MACROD2: variants seen among roughly 807,000 people sequenced by gnomAD.
MACROD2 encodes the protein mono-ADP ribosylhydrolase 2.
Under a neutral mutation model 70.4 loss-of-function variants are expected in MACROD2, and 36 were observed. The ratio of observed to expected loss-of-function variants is 0.51; its 90% confidence interval spans 0.39 to 0.68. The LOEUF (loss-of-function observed/expected upper bound fraction) is 0.68. Among genes scored for constraint, MACROD2 ranks in the 30% least tolerant of loss-of-function variants. The pLI, the probability that MACROD2 is intolerant of heterozygous loss-of-function variation, is 0.00. For synonymous variants in MACROD2, 172 were observed against 178.8 expected (o/e 0.96, Z 0.30); for missense variants, 496 against 538.4 (o/e 0.92, Z 0.78).
intron 5 of MACROD2, among the ~76,000 whole-genome samples, chr20:15,142,475 A>G (rs1221347556): frequency 6.6e-6 from 1 of 152,058 alleles, no homozygotes; most frequent in Admixed American, 6.5e-5. Context: ...TATGGTTTTC[A>G]TAGGCATTTT....
At chr20:14,101,931 A>C (rs1462419029) in intron 3 of MACROD2, among the ~76,000 whole-genome samples, 1 of 149,956 alleles carries the variant, frequency 6.7e-6, no homozygotes, top group African/African-American at 2.5e-5. Flanking sequence ...TGAGCACTTA[A>C]GTTCATACTT....
chr20:15,836,183 C>T (rs1351062465), intron 8 of MACROD2, among the ~76,000 whole-genome samples: 1 of 152,150 alleles, frequency 6.6e-6, no homozygotes, highest in Non-Finnish European at 1.5e-5. Flanking sequence ...GACGTTTTAC[C>T]TTTTGATAGT....
At chr20:14,427,570 A>C (rs1039289514) in intron 3 of MACROD2, among the ~76,000 whole-genome samples, 1 of 152,018 alleles carries the variant, frequency 6.6e-6, no homozygotes, top group Non-Finnish European at 1.5e-5. Flanking sequence ...ATATATGTGC[A>C]TGTATCTGTA....
chr20:15,274,650 G>A (rs796160677), intron 6 of MACROD2, among the ~76,000 whole-genome samples: 1 of 152,294 alleles, frequency 6.6e-6, no homozygotes, highest in African/African-American at 2.4e-5. Flanking sequence ...TCATTCAGTA[G>A]GTATTCAACG....
intron 5 of MACROD2, among the ~76,000 whole-genome samples, chr20:14,812,801 T>C (rs2072730853): frequency 1.3e-5 from 2 of 151,960 alleles, no homozygotes; most frequent in Admixed American, 1.3e-4. Flanking sequence ...TGGGTGTAAT[T>C]CACTTCATTT....
chr20:14,191,345 T>C (rs971056817), intron 3 of MACROD2, among the ~76,000 whole-genome samples: 11 of 152,156 alleles, frequency 7.2e-5, no homozygotes, highest in Non-Finnish European at 1.5e-4. Context: ...AGCTCTCTGA[T>C]CCTGAGAAAA....
chr20:14,225,632 T>C (rs934988904), intron 3 of MACROD2, among the ~76,000 whole-genome samples: 3 of 152,230 alleles, frequency 2.0e-5, no homozygotes, highest in African/African-American at 7.2e-5. Flanking sequence ...GTCGCAAGTG[T>C]AGTTTGCTAA....
At chr20:15,413,565 T>C (rs2046107412) in intron 6 of MACROD2, among the ~76,000 whole-genome samples, 1 of 152,014 alleles carries the variant, frequency 6.6e-6, no homozygotes, top group South Asian at 2.1e-4. Context: ...GGGAGAAAAG[T>C]TATATGTGAT....
intron 6 of MACROD2, among the ~76,000 whole-genome samples, chr20:15,285,279 G>A (rs2077480618): frequency 6.6e-6 from 1 of 152,188 alleles, no homozygotes; most frequent in African/African-American, 2.4e-5. Context: ...AGAAATGTAA[G>A]TGAAGTTTGT....
At chr20:15,421,215 A>G (rs1473479981) in intron 6 of MACROD2, among the ~76,000 whole-genome samples, 2 of 152,082 alleles carry the variant, frequency 1.3e-5, no homozygotes, top group Non-Finnish European at 2.9e-5. Flanking sequence ...TTGTTTCTAC[A>G]AAACATGCAA....
intron 6 of MACROD2, among the ~76,000 whole-genome samples, chr20:15,427,119 T>C (rs1010622364): frequency 1.3e-5 from 2 of 152,330 alleles, no homozygotes; most frequent in Admixed American, 6.5e-5. Flanking sequence ...TGAATTTTTT[T>C]CCACAATACT....
At chr20:15,301,215 G>C (rs899294561) in intron 6 of MACROD2, among the ~76,000 whole-genome samples, 2 of 152,220 alleles carry the variant, frequency 1.3e-5, no homozygotes, top group Non-Finnish European at 2.9e-5. Flanking sequence ...AGGGGGCACA[G>C]TGGAAATGTA....
chr20:14,134,402 C>A (rs1285933821), intron 3 of MACROD2, among the ~76,000 whole-genome samples: 1 of 152,360 alleles, frequency 6.6e-6, no homozygotes, highest in East Asian at 1.9e-4. Flanking sequence ...CTTATTATTT[C>A]ACTGAGAGAT....
intron 5 of MACROD2, among the ~76,000 whole-genome samples, chr20:15,136,899 A>T (rs6074847): frequency 7.2e-6 from 1 of 138,240 alleles, no homozygotes; most frequent in South Asian, 2.4e-4. Flanking sequence ...GTGGGCAAAG[A>T]ATATGAACAG....
chr20:15,410,994 C>T (rs190076990), intron 6 of MACROD2, among the ~76,000 whole-genome samples: 5 of 152,268 alleles, frequency 3.3e-5, no homozygotes, highest in African/African-American at 1.2e-4. Context: ...GAACACCAAT[C>T]GTTTCACCAA....
rs1310865399 is a variant in MACROD2 at position 15,829,725 on chromosome 20, T to A, written c.646-33020T>A. Among the ~76,000 whole-genome samples, 4 of 152,282 alleles carry A rather than the reference T, an allele frequency of 2.6e-5. No homozygotes were observed. The East Asian group carries it at 5.8e-4, about 22-fold the overall frequency. ...GACACAGAGAAAGCATTCTCCACAG[T>A]CACACTCTTAAGTTCCTTTGGGTGA... On this transcript the variant is annotated intron_variant, in intron 8 of 17. Transcript: ENST00000684519.
At chr20:15,882,829 G>T (rs1426773545) in intron 9 of MACROD2, among the ~76,000 whole-genome samples, 1 of 151,906 alleles carries the variant, frequency 6.6e-6, no homozygotes, top group African/African-American at 2.4e-5. Flanking sequence ...CCACACATGG[G>T]AGTCATTCTG....
intron 8 of MACROD2, among the ~76,000 whole-genome samples, chr20:15,625,337 G>A (rs1028888113): frequency 5.9e-5 from 9 of 152,206 alleles, no homozygotes; most frequent in African/African-American, 2.2e-4. Context: ...AATGTGACAT[G>A]CTCTGTGGTA....
chr20:15,451,966 T>C (rs992896294), intron 7 of MACROD2, among the ~76,000 whole-genome samples: 8 of 152,098 alleles, frequency 5.3e-5, no homozygotes, highest in Non-Finnish European at 1.2e-4. Flanking sequence ...GAGGACACCG[T>C]GGCCCAACAG....
Sources: allele counts gnomAD v4.1 joint callset (sites outside exome capture counted in the v4.1 genomes callset), GRCh38; gene constraint gnomAD v4.1.1; transcripts MANE v1.5; gene names NCBI Gene and HGNC (gene_info 2026-07-23, HGNC 2026-07-21).